Variants in RNF182 observed in about 807,000 individuals in gnomAD.
The protein encoded by RNF182 is ring finger protein 182, also known as E3 ubiquitin-protein ligase RNF182.
A neutral mutation model predicts 14.4 loss-of-function variants in RNF182; 15 were observed. That is an observed-to-expected ratio of 1.04 (90% CI 0.70 to 1.60). The LOEUF (loss-of-function observed/expected upper bound fraction) is 1.60, where lower values mean the gene tolerates loss of function less well. RNF182 is among the 40% of genes most tolerant of loss of function. The pLI, the probability that RNF182 is intolerant of heterozygous loss-of-function variation, is 0.00. For synonymous variants in RNF182, 128 were observed against 122.9 expected (o/e 1.04, Z -0.27); for missense variants, 268 against 294.8 (o/e 0.91, Z 0.67).
At chr6:13,954,426 C>A (rs764851653) in intron 1 of RNF182, among the ~76,000 whole-genome samples, 7 of 152,222 alleles carry the variant, frequency 4.6e-5, no homozygotes, top group Non-Finnish European at 8.8e-5. Flanking sequence ...ATCTCTTAGG[C>A]TTTTAGTCTA....
At position 13,976,999 on chromosome 6, in the gene RNF182, A is replaced by G; in HGVS notation, c.-121A>G. 2 of 1,071,578 alleles carry G rather than the reference A, an allele frequency of 1.9e-6. No individual in the cohort carries two copies. Among genetic ancestry groups the G allele is most frequent in the Non-Finnish European group, 2.7e-6 (2 of 738,308 alleles). 66.4% of individuals were successfully genotyped at this position (1,071,578 alleles called of 1,614,324 possible). A position where few individuals can be genotyped will look rare whatever the true frequency, so the allele number is the denominator to read the frequency against. On this transcript the variant is annotated 5_prime_UTR_variant, in exon 3 of 3. Coordinates refer to ENST00000488300, the MANE Select transcript of RNF182 (RefSeq NM_152737.4). ...TGGAAGATTTCTGGTTTCTTTCACT[A>G]CTTATCCTGCCTTTTTGCATCGCTG... is the stretch of plus-strand genomic sequence containing the variant.
rs886603037 is a variant in RNF182, at chr6:13,977,390, T to C, written c.271T>C (p.Leu91=). The change falls in exon 3 of 3, where the codon TTG becomes CTG. Residue 91 remains leucine (L), a synonymous_variant. Transcript: ENST00000488300. ...LPDDNNILVN[L]TCGGKGKKCL... is the part of the protein sequence containing the mutation. ...CGATGACAACAACATCCTTGTAAAC[T>C]TGACTTGTGGAGGCAAAGGGAAGAA... 3.7e-6 allele frequency: 6 copies of C among 1,613,984 alleles called. No individual in the cohort carries two copies. The Admixed American group carries it at 5.0e-5, about 13-fold the overall frequency.
chr6:13,961,319 T>C (rs1759877961), intron 1 of RNF182, among the ~76,000 whole-genome samples: 1 of 152,252 alleles, frequency 6.6e-6, no homozygotes, highest in Non-Finnish European at 1.5e-5. Context: ...CGCATCCATA[T>C]AGTGCTTATG....
chr6:13,964,725 C>T, intron 1 of RNF182, among the ~76,000 whole-genome samples: 1 of 152,140 alleles, frequency 6.6e-6, no homozygotes, highest in East Asian at 1.9e-4. Context: ...TCAGGATGCA[C>T]TGGATACTGT....
chr6:13,967,546 T>G (rs1351285852), intron 1 of RNF182, among the ~76,000 whole-genome samples: 4 of 152,292 alleles, frequency 2.6e-5, no homozygotes, highest in Middle Eastern at 3.4e-3. Context: ...CACAGAATAT[T>G]TCTTTCTAGA....
chr6:13,941,762 T>G (rs1375428302), intron 1 of RNF182, among the ~76,000 whole-genome samples: 1 of 152,172 alleles, frequency 6.6e-6, no homozygotes, highest in Non-Finnish European at 1.5e-5. Context: ...TACTTTAAAT[T>G]AGTATTTTAA....
At chr6:13,951,972 C>T (rs1327848200) in intron 1 of RNF182, among the ~76,000 whole-genome samples, 1 of 152,174 alleles carries the variant, frequency 6.6e-6, no homozygotes, top group Non-Finnish European at 1.5e-5. Flanking sequence ...CCCCTTTTGG[C>T]CCCTGCCTGT....
rs1760079917 is a variant in RNF182 at position 13,968,070 on chromosome 6, A to T, written c.-366-6140A>T. ...AATTGGGAAAAAAATCATAACAAAC[A>T]AAAATAAATTAGAGGGAATAATAAA... On this transcript the variant is annotated intron_variant, in intron 1 of 2. Coordinates refer to ENST00000488300, the MANE Select transcript of RNF182 (RefSeq NM_152737.4). Among the ~76,000 whole-genome samples, 3 of 124,118 alleles carry T rather than the reference A, an allele frequency of 2.4e-5. 1 individual carries two copies. The South Asian group carries it at 7.9e-4, about 33-fold the overall frequency. The allele number at this position is 124,118 out of a possible 152,430, so 81.4% of individuals were successfully genotyped here.
At chr6:13,935,640 T>G (rs983077368) in intron 1 of RNF182, among the ~76,000 whole-genome samples, 3 of 152,238 alleles carry the variant, frequency 2.0e-5, no homozygotes, top group African/African-American at 7.2e-5. Flanking sequence ...ACATTAGTTA[T>G]AACCACAGGA....
intron 1 of RNF182, among the ~76,000 whole-genome samples, chr6:13,931,353 C>T (rs1289802523): frequency 1.3e-5 from 2 of 152,166 alleles, no homozygotes; most frequent in African/African-American, 4.8e-5. Flanking sequence ...TCATATCCCC[C>T]AGGCTAAATT....
chr6:13,958,724 G>A (rs995855705), intron 1 of RNF182, among the ~76,000 whole-genome samples: 9 of 152,164 alleles, frequency 5.9e-5, no homozygotes, highest in Admixed American at 2.6e-4. Flanking sequence ...GAAGTTTGTT[G>A]AAGGAAGTAA....
intron 1 of RNF182, among the ~76,000 whole-genome samples, chr6:13,959,027 C>G (rs1244581284): frequency 6.6e-6 from 1 of 152,194 alleles, no homozygotes; most frequent in Non-Finnish European, 1.5e-5. Flanking sequence ...GATATCGGCT[C>G]CCTTTCATTT....
intron 1 of RNF182, among the ~76,000 whole-genome samples, chr6:13,946,330 T>C (rs1242505980): frequency 6.6e-6 from 1 of 151,876 alleles, no homozygotes; most frequent in Admixed American, 6.6e-5. Context: ...TATGCCTGGG[T>C]AATTTTTGTA....
intron 1 of RNF182, among the ~76,000 whole-genome samples, chr6:13,935,846 G>A (rs1759096634): frequency 6.6e-6 from 1 of 152,196 alleles, no homozygotes; most frequent in African/African-American, 2.4e-5. Flanking sequence ...TATTGATACA[G>A]TTTGATGAGT....
In RNF182 at chr6:13,978,311, A is replaced by C. The variant is rs1760396501; in HGVS notation, c.*448A>C. The C allele has an allele frequency of 5.9e-6, 1 of 169,400 alleles. No homozygotes were observed. The highest frequency in any genetic ancestry group is 1.4e-5 in the Non-Finnish European group (1 of 70,082). 10.5% of individuals were successfully genotyped at this position (169,400 alleles called of 1,614,324 possible). ...TACCCCTGGTATTGGAACACCCTAG[A>C]ATTGTCTTCAGGTGTTTTCTCTCTT... On this transcript the variant is annotated 3_prime_UTR_variant, in exon 3 of 3. Transcript: ENST00000488300.
chr6:13,969,542 G>GA (rs1760123577), intron 1 of RNF182, among the ~76,000 whole-genome samples: 1 of 152,020 alleles, frequency 6.6e-6, no homozygotes, highest in Non-Finnish European at 1.5e-5. Flanking sequence ...ATCTAAAGGA[G>GA]AAAAAAAGAT....
chr6:13,972,219 G>GGT (rs1760206250), intron 1 of RNF182, among the ~76,000 whole-genome samples: 1 of 151,710 alleles, frequency 6.6e-6, no homozygotes, highest in South Asian at 2.1e-4. Context: ...GCAGGAGAAT[G>GGT]GTGTGTACCC....
intron 1 of RNF182, among the ~76,000 whole-genome samples, chr6:13,967,766 A>G (rs1760071959): frequency 6.6e-6 from 1 of 152,176 alleles, no homozygotes; most frequent in Non-Finnish European, 1.5e-5. Flanking sequence ...GATGGAGTCT[A>G]ATATTGCCCT....
chr6:13,950,498 C>CAT, intron 1 of RNF182, among the ~76,000 whole-genome samples: 1 of 121,922 alleles, frequency 8.2e-6, no homozygotes, highest in Middle Eastern at 5.2e-3. Flanking sequence ...AAAACAGGTA[C>CAT]TTTTTTTTTT....
Sources: gnomAD v4.1 joint callset for allele counts (sites outside exome capture counted in the v4.1 genomes callset) on GRCh38, gnomAD v4.1.1 for gene constraint, MANE v1.5 for transcripts, NCBI Gene and HGNC (gene_info 2026-07-23, HGNC 2026-07-21) for gene names.